The following COL5A1 variants were observed in gnomAD, a reference collection of about 807,000 sequenced individuals.
The protein encoded by COL5A1 is collagen alpha-1(V) chain.
In COL5A1, 16 loss-of-function variants were observed where a neutral mutation model predicts 263.7. The observed-to-expected ratio is 0.06, with a 90% CI of 0.04 to 0.09. COL5A1 has a LOEUF of 0.09. Among genes scored for constraint, COL5A1 ranks in the 10% least tolerant of loss-of-function variants. The probability of loss-of-function intolerance (pLI) is 1.00; values close to 1 mark genes in which losing one functional copy is unlikely to be tolerated. For missense variants in COL5A1, 2,036 were observed against 2,540.5 expected, an observed-to-expected ratio of 0.80 and a Z score of 4.27; for synonymous variants, 1,012 against 1,004.5, an observed-to-expected ratio of 1.01 and a Z score of -0.14.
intron 1 of COL5A1, among the ~76,000 whole-genome samples, chr9:134,656,509 C>G (rs572094249): frequency 6.6e-6 from 1 of 152,294 alleles, no homozygotes; most frequent in East Asian, 1.9e-4. Context: ...GAGGCAATAG[C>G]ACCACCTACC....
intron 27 of COL5A1, among the ~76,000 whole-genome samples, chr9:134,778,675 G>A (rs1366678237): frequency 2.0e-5 from 3 of 152,218 alleles, no homozygotes; most frequent in Admixed American, 6.5e-5. Flanking sequence ...GGCTGCCTCC[G>A]CCCTGTGCTG....
intron 18 of COL5A1, among the ~76,000 whole-genome samples, chr9:134,760,976 A>G (rs1836402761): frequency 7.1e-6 from 1 of 141,844 alleles, no homozygotes. Flanking sequence ...ACACATGTAT[A>G]CCACCCCGAT....
intron 63 of COL5A1, among the ~76,000 whole-genome samples, chr9:134,827,699 G>T (rs1839346629): frequency 6.6e-6 from 1 of 152,206 alleles, no homozygotes; most frequent in African/African-American, 2.4e-5. Context: ...GGCGTCCACA[G>T]GCTGCAGCCT....
chr9:134,680,099 C>T lies in COL5A1; in HGVS notation c.110-10813C>T, dbSNP rs1330790313. 1.3e-5 allele frequency among the ~76,000 whole-genome samples: 2 copies of T among 152,098 alleles called. No homozygotes were observed. Among genetic ancestry groups the T allele is most frequent in the Non-Finnish European group, 2.9e-5 (2 of 68,012 alleles). On this transcript the variant is annotated intron_variant, in intron 1 of 65. Coordinates refer to ENST00000371817, the MANE Select transcript of COL5A1 (RefSeq NM_000093.5). The surrounding 1 kb of genome is among the most constrained non-coding windows in gnomAD (Gnocchi z 5.9). ...GCAGTGAGAGCAGTGACACTGTCAT[C>T]TTCAGGAAGGACTACCCCGGAGGCC...
At chr9:134,691,153 A>T in intron 2 of COL5A1, 74 bp downstream of exon 2, 1 of 1,584,962 alleles carries the variant, frequency 6.3e-7, no homozygotes, top group Non-Finnish European at 8.6e-7. Context: ...AGCAGCGCTC[A>T]AGCCTGCGTG....
At chr9:134,831,090 G>C (rs1344674700) in intron 64 of COL5A1, among the ~76,000 whole-genome samples, 1 of 152,222 alleles carries the variant, frequency 6.6e-6, no homozygotes, top group Non-Finnish European at 1.5e-5. Flanking sequence ...AAGGCAGCCC[G>C]TGGGTTCTGC....
At chr9:134,778,383 CTGAGCCTCCTCGCGGCTTGG>C (rs1168024020) in intron 27 of COL5A1, among the ~76,000 whole-genome samples, 1 of 152,254 alleles carries the variant, frequency 6.6e-6, no homozygotes. Flanking sequence ...GCAGGCTGTT[CTGAGCCTCCTCGCGGCTTGG>C]CTGGTCGTTC....
chr9:134,741,233 G>A lies in COL5A1; in HGVS notation c.1494+2425G>A, dbSNP rs867316641. 1.3e-5 allele frequency among the ~76,000 whole-genome samples: 2 copies of A among 152,228 alleles called. No homozygotes were observed. The highest frequency in any genetic ancestry group is 6.5e-5 in the Admixed American group (1 of 15,288). On this transcript the variant is annotated intron_variant, in intron 11 of 65. Coordinates refer to ENST00000371817, the MANE Select transcript of COL5A1 (RefSeq NM_000093.5). This position sits in a 1 kb window ranked among gnomAD's most constrained non-coding sequence, Gnocchi z 4.5. The stretch of plus-strand genomic sequence containing the variant: ...GAGAAACAACATTGTCTCTGCCCTC[G>A]GAGGTTGAGCATCTGGGGCCTCCAA...
chr9:134,697,233 G>A (rs1031841660), intron 2 of COL5A1, among the ~76,000 whole-genome samples: 2 of 152,142 alleles, frequency 1.3e-5, no homozygotes, highest in African/African-American at 4.8e-5. Context: ...CTCATGTCAT[G>A]ACTCGAATGG....
At chr9:134,709,185 AGG>A in intron 4 of COL5A1, 1 of 350,358 alleles carries the variant, frequency 2.9e-6, no homozygotes, top group Non-Finnish European at 5.7e-6. Flanking sequence ...AGCGTGGAAA[AGG>A]GGTTTTTCGT....
At chr9:134,690,058 G>A (rs1833221606) in intron 1 of COL5A1, among the ~76,000 whole-genome samples, 1 of 152,168 alleles carries the variant, frequency 6.6e-6, no homozygotes, top group African/African-American at 2.4e-5. Context: ...TTTTGTGTTG[G>A]AGGGTGACCA....
intron 11 of COL5A1, among the ~76,000 whole-genome samples, chr9:134,748,516 C>T (rs185345171): frequency 1.3e-5 from 2 of 152,186 alleles, no homozygotes; most frequent in Non-Finnish European, 2.9e-5. Context: ...GAATTGATTC[C>T]GACACAGGAA....
At position 134,765,515 on chromosome 9, in the gene COL5A1, C is replaced by T. The variant is rs189150324; in HGVS notation, c.2035-166C>T. Among the ~76,000 whole-genome samples the T allele has an allele frequency of 3.9e-4, 59 of 152,114 alleles. No homozygotes were observed. The highest frequency in any genetic ancestry group is 1.3e-3 in the African/African-American group (53 of 41,508). ...ACCAGGGTGGGGTGGAGGGAGGCAG[C>T]GCAGCAGGCTGGGAGGGAGTCTGGG... On this transcript the variant is annotated intron_variant, in intron 20 of 65. Transcript: ENST00000371817. The surrounding 1 kb of genome is among the most constrained non-coding windows in gnomAD (Gnocchi z 5.1).
At chr9:134,791,485 TGGACAG>T (rs1837689364) in intron 32 of COL5A1, among the ~76,000 whole-genome samples, 1 of 151,948 alleles carries the variant, frequency 6.6e-6, no homozygotes, top group Non-Finnish European at 1.5e-5. Flanking sequence ...CCTGGCTTTC[TGGACAG>T]GGTTGATGCT....
Position 134,682,798 on chromosome 9 carries a change from G to A in COL5A1, c.110-8114G>A, listed in dbSNP as rs978876973. Among the ~76,000 whole-genome samples the A allele has an allele frequency of 7.2e-5, 11 of 152,184 alleles. No individual in the cohort carries two copies. The highest frequency in any genetic ancestry group is 2.7e-4 in the African/African-American group (11 of 41,446). The stretch of plus-strand genomic sequence containing the variant: ...GGGGAGCATCCCTGTGCATTTGTTG[G>A]CAAAAAGGAGCAGGCTCTGATGGAT... On this transcript the variant is annotated intron_variant, in intron 1 of 65. Transcript: ENST00000371817. This position sits in a 1 kb window ranked among gnomAD's most constrained non-coding sequence, Gnocchi z 5.1.
chr9:134,719,482 G>A (rs1366667822), intron 4 of COL5A1, among the ~76,000 whole-genome samples: 11 of 152,234 alleles, frequency 7.2e-5, no homozygotes, highest in Non-Finnish European at 1.6e-4. Context: ...AGATCCTGGC[G>A]CTTGGCCTGC....
At position 134,678,367 on chromosome 9, in the gene COL5A1, G is replaced by T. The variant is rs1040234548; in HGVS notation, c.110-12545G>T. ...CATAACAGGTGCACAGTCCTCAGCT[G>T]CCCCTCCCCCATGGTGCTCGGGTGC... On this transcript the variant is annotated intron_variant, in intron 1 of 65. Coordinates refer to ENST00000371817, the MANE Select transcript of COL5A1 (RefSeq NM_000093.5). This position sits in a 1 kb window ranked among gnomAD's most constrained non-coding sequence, Gnocchi z 5.5. Among the ~76,000 whole-genome samples the T allele has an allele frequency of 3.9e-5, 6 of 152,182 alleles. No individual in the cohort carries two copies. The highest frequency in any genetic ancestry group is 8.8e-5 in the Non-Finnish European group (6 of 68,030).
chr9:134,784,448 G>A (rs574024292), intron 29 of COL5A1, among the ~76,000 whole-genome samples: 3 of 152,318 alleles, frequency 2.0e-5, no homozygotes, highest in East Asian at 1.9e-4. Flanking sequence ...CTCCCAATCT[G>A]TAACTTGAGG....
chr9:134,835,227 A>C (rs777625463), intron 65 of COL5A1, 23 bp downstream of exon 65: 26 of 1,601,584 alleles, frequency 1.6e-5, no homozygotes, highest in Non-Finnish European at 2.1e-5. Flanking sequence ...CGCCGCGCCC[A>C]GCACCCCTGC....
Sources: gnomAD v4.1 joint callset for allele counts (sites outside exome capture counted in the v4.1 genomes callset) on GRCh38, gnomAD v4.1.1 for gene constraint, Gnocchi (gnomAD v3.1) non-coding constraint, MANE v1.5 for transcripts, NCBI Gene and HGNC (gene_info 2026-07-23, HGNC 2026-07-21) for gene names.